The following GSDMC variants were observed in gnomAD, a reference collection of about 807,000 sequenced individuals.
The protein encoded by GSDMC is gasdermin C.
In GSDMC, 59 loss-of-function variants were observed where a neutral mutation model predicts 58.0. The ratio of observed to expected loss-of-function variants is 1.02; its 90% CI spans 0.82 to 1.26. GSDMC has a LOEUF of 1.26. GSDMC is among the 50% of genes most tolerant of loss of function. The pLI, the probability that GSDMC is intolerant of heterozygous loss-of-function variation, is 0.00. For missense variants in GSDMC, 659 were observed against 598.5 expected (o/e 1.10, Z -1.06); for synonymous variants, 241 against 220.2 (o/e 1.09, Z -0.83).
chr8:129,752,800 C>T lies in GSDMC; in HGVS notation c.742G>A (p.Val248Ile). 1.2e-6 allele frequency: 2 copies of T among 1,614,128 alleles called. No homozygotes were observed. Among genetic ancestry groups the T allele is most frequent in the Non-Finnish European group, 1.7e-6 (2 of 1,180,008 alleles). ...TCACTCCTCGCAGCACAGTAGCCTA[C>T]CATTTCGGAAATTTCGTACTCTTGG... ...FQDEYEISEMVGYCAARSEGL... is the reference protein window; with the variant it reads ...FQDEYEISEMIGYCAARSEGL... The change falls in exon 7 of 14, where the codon GTA (valine) becomes ATA (isoleucine). Residue 248 changes from valine to isoleucine, a missense_variant. By Grantham distance (29) the Val-to-Ile change is conservative (BLOSUM62 3). Transcript: ENST00000276708.
chr8:129,755,254 A>C (rs2033381097), intron 6 of GSDMC, among the ~76,000 whole-genome samples: 2 of 152,308 alleles, frequency 1.3e-5, no homozygotes, highest in South Asian at 4.1e-4. Flanking sequence ...TGGAGTTGCA[A>C]TATGTCTGGC....
chr8:129,729,308 GT>G, the GSDMC span: 20 of 546,878 alleles, frequency 3.7e-5, no homozygotes, highest in South Asian at 1.6e-4. Flanking sequence ...CATGAAATTT[GT>G]TTTTTTTAAT....
At chr8:129,778,764 G>GA (rs57864141) in intron 1 of GSDMC, among the ~76,000 whole-genome samples, 53 of 141,268 alleles carry the variant, frequency 3.8e-4, no homozygotes, top group African/African-American at 5.7e-4. Context: ...CAATTTACAA[G>GA]AAAAAAAAAA....
At chr8:129,730,453 T>C in the GSDMC span, 1 of 1,028,168 alleles carries the variant, frequency 9.7e-7, no homozygotes, top group Non-Finnish European at 1.4e-6. Flanking sequence ...TAAGTTGATT[T>C]TTTATTCATA....
At chr8:129,738,149 T>A in the GSDMC span, among the ~76,000 whole-genome samples, 26 of 152,272 alleles carry the variant, frequency 1.7e-4, no homozygotes, top group East Asian at 4.8e-3. Context: ...ATGGTGATCA[T>A]TAAAAAGTCA....
At chr8:129,745,657 A>G (rs2130298201), downstream of GSDMC, among the ~76,000 whole-genome samples, 1 of 151,978 alleles carries the variant, frequency 6.6e-6, no homozygotes, top group East Asian at 1.9e-4. Flanking sequence ...AGGTGCATAG[A>G]ATAATGACTG....
the GSDMC span, among the ~76,000 whole-genome samples, chr8:129,706,877 G>A: frequency 6.6e-6 from 1 of 152,060 alleles, no homozygotes; most frequent in Non-Finnish European, 1.5e-5. Flanking sequence ...CTGTCAATAG[G>A]GCACTTGTGT....
At chr8:129,783,107 C>T (rs566216840) in intron 1 of GSDMC, among the ~76,000 whole-genome samples, 1 of 152,124 alleles carries the variant, frequency 6.6e-6, no homozygotes, top group East Asian at 1.9e-4. Context: ...AGACAAAAAC[C>T]ACGTGATCAT....
At chr8:129,725,070 C>T in the GSDMC span, among the ~76,000 whole-genome samples, 1 of 152,204 alleles carries the variant, frequency 6.6e-6, no homozygotes, top group African/African-American at 2.4e-5. Context: ...TGTGATTGCT[C>T]CTGTCCTCTG....
the GSDMC span, among the ~76,000 whole-genome samples, chr8:129,734,672 A>T: frequency 6.6e-5 from 10 of 151,988 alleles, no homozygotes; most frequent in Non-Finnish European, 1.5e-4. Context: ...AGCACTAAAC[A>T]TGGAAAGGAA....
the GSDMC span, chr8:129,707,243 C>G: frequency 6.6e-6 from 1 of 151,492 alleles, no homozygotes; most frequent in Non-Finnish European, 1.5e-5. Flanking sequence ...GATCAGGCAT[C>G]TAAAAAATAT....
At chr8:129,758,953 A>G (rs533242365) in intron 6 of GSDMC, among the ~76,000 whole-genome samples, 14 of 152,254 alleles carry the variant, frequency 9.2e-5, no homozygotes, top group Admixed American at 7.9e-4. Flanking sequence ...ACATTACCTG[A>G]CTCCAAATTA....
chr8:129,720,184 G>A, the GSDMC span, among the ~76,000 whole-genome samples: 1 of 152,166 alleles, frequency 6.6e-6, no homozygotes, highest in Non-Finnish European at 1.5e-5. Flanking sequence ...AAACATCAAA[G>A]TCAATACTTC....
chr8:129,748,340 C>T lies in GSDMC; in HGVS notation c.*161G>A. 1.7e-6 allele frequency: 1 copy of T among 604,562 alleles called. No individual in the cohort carries two copies. Among genetic ancestry groups the T allele is most frequent in the Non-Finnish European group, 2.7e-6 (1 of 364,842 alleles). 37.4% of individuals were successfully genotyped at this position (604,562 alleles called of 1,614,324 possible). On this transcript the variant is annotated 3_prime_UTR_variant, in exon 14 of 14. Coordinates refer to ENST00000276708, the MANE Select transcript of GSDMC (RefSeq NM_031415.3). Reference sequence around the variant, plus strand: ...ACTCTTGTCAATATATAGAGTATTCCACCACCCCAAAACATTTCCTAAAGT... The same window carrying T: ...ACTCTTGTCAATATATAGAGTATTCTACCACCCCAAAACATTTCCTAAAGT...
Position 129,762,677 on chromosome 8 carries a change from T to G in GSDMC, c.625A>C (p.Lys209Gln), listed in dbSNP as rs975555344. Residue 209 changes from lysine to glutamine, a missense_variant, in exon 5 of 14, where the codon AAA becomes CAA. Physicochemically the swap from Lys to Gln is moderately conservative, Grantham distance 53. Coordinates refer to ENST00000276708, the MANE Select transcript of GSDMC (RefSeq NM_031415.3). ...RVKKKALTLQKGMVMAYKRKQ... is the reference protein window; with the variant it reads ...RVKKKALTLQQGMVMAYKRKQ... ...CTCTTATAAGCCATCACCATGCCTT[T>G]CTGAAGAGTCAGCGCCTTCTTCTTC... The G allele has an allele frequency of 6.2e-7, 1 of 1,614,068 alleles. No individual in the cohort carries two copies. Among genetic ancestry groups the G allele is most frequent in the African/African-American group, 1.3e-5 (1 of 75,050 alleles).
chr8:129,776,352 A>C (rs939012308), intron 2 of GSDMC, 67 bp from the exon 3 acceptor site: 1 of 1,281,330 alleles, frequency 7.8e-7, no homozygotes, highest in Admixed American at 2.4e-5. Context: ...GGTTTAGCCA[A>C]GAACAGCTGG....
the GSDMC span, among the ~76,000 whole-genome samples, chr8:129,727,885 T>C: frequency 6.6e-6 from 1 of 152,132 alleles, no homozygotes. Context: ...AGCTGCAGTT[T>C]TATGTGGGCA....
At chr8:129,747,535 G>A (rs944569637), downstream of GSDMC, among the ~76,000 whole-genome samples, 1 of 152,156 alleles carries the variant, frequency 6.6e-6, no homozygotes, top group Non-Finnish European at 1.5e-5. Context: ...GTCAGCCAAG[G>A]TGATTCTGAT....
At chr8:129,742,190 A>C in the GSDMC span, among the ~76,000 whole-genome samples, 1 of 152,182 alleles carries the variant, frequency 6.6e-6, no homozygotes, top group South Asian at 2.1e-4. Flanking sequence ...ACAAAGTTTC[A>C]ATTAAACAGA....
Sources: gnomAD v4.1 joint callset for allele counts (sites outside exome capture counted in the v4.1 genomes callset) on GRCh38, gnomAD v4.1.1 for gene constraint, MANE v1.5 for transcripts, NCBI Gene and HGNC (gene_info 2026-07-23, HGNC 2026-07-21) for gene names.